EFNA5: variants seen among roughly 807,000 people sequenced by gnomAD.
EFNA5 encodes the protein ephrin A5, also known as ephrin-A5.
Under a neutral mutation model 22.9 loss-of-function variants are expected in EFNA5, and 5 were observed. That is an observed-to-expected ratio of 0.22 (90% CI 0.11 to 0.46). EFNA5 has a LOEUF of 0.46. Among genes scored for constraint, EFNA5 ranks in the 20% least tolerant of loss-of-function variants. EFNA5 has a pLI of 0.99. For missense variants in EFNA5, 237 were observed against 293.3 expected, an observed-to-expected ratio of 0.81 and a Z score of 1.40; for synonymous variants, 113 against 112.2, an observed-to-expected ratio of 1.01 and a Z score of -0.04.
At chr5:107,638,930 T>C (rs370417026) in intron 1 of EFNA5, among the ~76,000 whole-genome samples, 5 of 152,270 alleles carry the variant, frequency 3.3e-5, no homozygotes, top group African/African-American at 1.2e-4. Flanking sequence ...CATCAAAACA[T>C]TGTAAACCAT....
chr5:107,382,724 G>A (rs1414234123), intron 4 of EFNA5, among the ~76,000 whole-genome samples: 2 of 152,106 alleles, frequency 1.3e-5, no homozygotes, highest in African/African-American at 2.4e-5. Context: ...GGCCAATAGT[G>A]AGCCCCTGTG....
intron 1 of EFNA5, among the ~76,000 whole-genome samples, chr5:107,551,497 T>C (rs1748296107): frequency 6.6e-6 from 1 of 152,158 alleles, no homozygotes; most frequent in Admixed American, 6.6e-5. Context: ...GTTCTGTTAT[T>C]GCCCACTGGT....
At chr5:107,445,683 A>AGGATGGC (rs1749370569) in intron 1 of EFNA5, among the ~76,000 whole-genome samples, 1 of 152,208 alleles carries the variant, frequency 6.6e-6, no homozygotes, top group Non-Finnish European at 1.5e-5. Flanking sequence ...GACCTCTCCA[A>AGGATGGC]GGATGGCTGC....
intron 1 of EFNA5, among the ~76,000 whole-genome samples, chr5:107,611,833 C>A (rs1217640700): frequency 6.6e-6 from 1 of 152,166 alleles, no homozygotes; most frequent in Non-Finnish European, 1.5e-5. Context: ...GAACCCAAGT[C>A]CTTGACTTGA....
At chr5:107,568,690 A>G (rs535289335) in intron 1 of EFNA5, among the ~76,000 whole-genome samples, 100 of 152,376 alleles carry the variant, frequency 6.6e-4, no homozygotes, top group Non-Finnish European at 1.2e-3. Flanking sequence ...GTGGAACATA[A>G]CAGAATCAGA....
chr5:107,591,258 C>A (rs1749318708), intron 1 of EFNA5, among the ~76,000 whole-genome samples: 1 of 152,018 alleles, frequency 6.6e-6, no homozygotes, highest in African/African-American at 2.4e-5. Context: ...GTGGAGATGG[C>A]CTAAAAATTT....
intron 1 of EFNA5, among the ~76,000 whole-genome samples, chr5:107,444,407 G>T (rs1749339868): frequency 6.6e-6 from 1 of 152,162 alleles, no homozygotes. Context: ...GACAAAATTT[G>T]TACAGATTTT....
intron 1 of EFNA5, among the ~76,000 whole-genome samples, chr5:107,542,368 AG>A (rs1168783752): frequency 6.6e-6 from 1 of 152,170 alleles, no homozygotes; most frequent in African/African-American, 2.4e-5. Flanking sequence ...CCTGTGGAAA[AG>A]ACAAGTACAG....
At chr5:107,413,988 C>T (rs893581243) in intron 2 of EFNA5, among the ~76,000 whole-genome samples, 1 of 152,148 alleles carries the variant, frequency 6.6e-6, no homozygotes, top group Non-Finnish European at 1.5e-5. Flanking sequence ...GTACTGTTGA[C>T]ATGACCCTTC....
At chr5:107,569,515 ATGTGTGTATATATATTTATATATATATG>A (rs1748737031) in intron 1 of EFNA5, among the ~76,000 whole-genome samples, 1 of 135,506 alleles carries the variant, frequency 7.4e-6, no homozygotes, top group Admixed American at 7.8e-5. Context: ...ATATTTATAT[ATGTGTGTATATATATTTATATATATATG>A]TGTGTATATA....
At chr5:107,568,217 AC>A (rs1181411553) in intron 1 of EFNA5, among the ~76,000 whole-genome samples, 2 of 152,176 alleles carry the variant, frequency 1.3e-5, no homozygotes, top group Admixed American at 1.3e-4. Flanking sequence ...CTTTATACAA[AC>A]ACACATATAC....
At chr5:107,533,086 T>G (rs936233334) in intron 1 of EFNA5, among the ~76,000 whole-genome samples, 19 of 152,278 alleles carry the variant, frequency 1.2e-4, no homozygotes, top group African/African-American at 4.3e-4. Flanking sequence ...ATTGGATGCC[T>G]TATACTTTGC....
Position 107,651,397 on chromosome 5 carries a change from A to G in EFNA5, c.125+19092T>C, listed in dbSNP as rs114759199. Among the ~76,000 whole-genome samples the G allele has an allele frequency of 5.2e-3, 794 of 152,230 alleles. 15 individuals are homozygous for G. Among genetic ancestry groups the G allele is most frequent in the African/African-American group, 0.018 (757 of 41,544 alleles). ...GGGCACATAAGTACTTCTGTGGCCTATAAAGCAAAAATGAATCTCTTCCAC... is the reference window on the plus strand; with the variant it reads ...GGGCACATAAGTACTTCTGTGGCCTGTAAAGCAAAAATGAATCTCTTCCAC... On this transcript the variant is annotated intron_variant, in intron 1 of 4. Transcript: ENST00000333274.
At chr5:107,499,047 C>A (rs1747066052) in intron 1 of EFNA5, among the ~76,000 whole-genome samples, 1 of 152,024 alleles carries the variant, frequency 6.6e-6, no homozygotes, top group Non-Finnish European at 1.5e-5. Context: ...CCATTGGAAA[C>A]AGACACCTGC....
intron 1 of EFNA5, among the ~76,000 whole-genome samples, chr5:107,591,960 TATATATA>T (rs1749359267): frequency 5.9e-4 from 7 of 11,896 alleles, no homozygotes; most frequent in East Asian, 1.3e-3. Flanking sequence ...TAATATATAA[TATATATA>T]ATATATATAA....
At chr5:107,643,677 GA>G (rs1231521739) in intron 1 of EFNA5, among the ~76,000 whole-genome samples, 1 of 151,766 alleles carries the variant, frequency 6.6e-6, no homozygotes. Flanking sequence ...AGCTTGACGA[GA>G]GGGGGAGTGA....
At position 107,432,377 on chromosome 5, in the gene EFNA5, C is replaced by G. The variant is rs1748986111; in HGVS notation, c.126-4868G>C. Among the ~76,000 whole-genome samples the G allele has an allele frequency of 2.6e-5, 4 of 152,352 alleles. No homozygotes were observed. The South Asian group carries it at 8.3e-4, about 32-fold the overall frequency. On this transcript the variant is annotated intron_variant, in intron 1 of 4. Transcript: ENST00000333274. Reference sequence around the variant, plus strand: ...ATATTTACAAATGCCATGGGTAACACAGCCATTGCTTTAACATATTTGTAA... The same window carrying G: ...ATATTTACAAATGCCATGGGTAACAGAGCCATTGCTTTAACATATTTGTAA...
intron 1 of EFNA5, among the ~76,000 whole-genome samples, chr5:107,638,299 T>C (rs943412430): frequency 1.6e-4 from 24 of 152,066 alleles, no homozygotes; most frequent in Non-Finnish European, 3.2e-4. Context: ...GCTAAAAAAG[T>C]AGAACTCATA....
intron 1 of EFNA5, among the ~76,000 whole-genome samples, chr5:107,476,057 T>TATACA: frequency 3.0e-5 from 3 of 100,424 alleles, no homozygotes; most frequent in African/African-American, 5.0e-5. Flanking sequence ...TATATATATA[T>TATACA]TTTTTTTTTT....
Sources: gnomAD v4.1 joint callset for allele counts (sites outside exome capture counted in the v4.1 genomes callset) on GRCh38, gnomAD v4.1.1 for gene constraint, MANE v1.5 for transcripts, NCBI Gene and HGNC (gene_info 2026-07-23, HGNC 2026-07-21) for gene names.